ADRA1B: variants seen among roughly 807,000 people sequenced by gnomAD.
ADRA1B encodes adrenoceptor alpha 1B, also known as alpha-1B adrenergic receptor.
A neutral mutation model predicts 17.9 loss-of-function variants in ADRA1B; 17 were observed. That is an observed-to-expected ratio of 0.95 (90% confidence interval 0.65 to 1.42). The LOEUF is 1.42. ADRA1B is among the 40% of genes most tolerant of loss of function. The pLI, the probability that ADRA1B is intolerant of heterozygous loss-of-function variation, is 0.00. For synonymous variants in ADRA1B, 366 were observed against 327.6 expected (o/e 1.12, Z -1.27); for missense variants, 681 against 722.1 (o/e 0.94, Z 0.65).
At chr5:159,957,370 A>G (rs2113274240) in intron 1 of ADRA1B, among the ~76,000 whole-genome samples, 1 of 151,582 alleles carries the variant, frequency 6.6e-6, no homozygotes, top group East Asian at 2.0e-4. Context: ...GCTGGGTGCC[A>G]TTGTGCGCAC....
At chr5:159,894,512 T>C (rs1357740006) in intron 1 of ADRA1B, among the ~76,000 whole-genome samples, 1 of 152,184 alleles carries the variant, frequency 6.6e-6, no homozygotes, top group Non-Finnish European at 1.5e-5. Flanking sequence ...GGCAGATAGC[T>C]TCCCATCGGT....
intron 1 of ADRA1B, among the ~76,000 whole-genome samples, chr5:159,930,260 A>G (rs977805402): frequency 6.6e-6 from 1 of 152,242 alleles, no homozygotes; most frequent in African/African-American, 2.4e-5. Context: ...GGCAAGGAAG[A>G]TTTGGTATTT....
chr5:159,883,993 T>G (rs765626113), intron 1 of ADRA1B, among the ~76,000 whole-genome samples: 4 of 152,096 alleles, frequency 2.6e-5, no homozygotes, highest in Non-Finnish European at 5.9e-5. Flanking sequence ...AATTGACCAG[T>G]GGATGAGGGG....
chr5:159,875,843 T>C (rs976243691), intron 1 of ADRA1B, among the ~76,000 whole-genome samples: 1 of 152,194 alleles, frequency 6.6e-6, no homozygotes, highest in Non-Finnish European at 1.5e-5. Flanking sequence ...CCCTGATATA[T>C]TTGTTCAGAT....
the ADRA1B span, among the ~76,000 whole-genome samples, chr5:159,984,535 C>A: frequency 6.6e-6 from 1 of 152,260 alleles, no homozygotes; most frequent in South Asian, 2.1e-4. Flanking sequence ...TCCTAACTAA[C>A]CTCTGTGCTT....
chr5:159,946,364 C>T (rs1342597046), intron 1 of ADRA1B, among the ~76,000 whole-genome samples: 1 of 152,134 alleles, frequency 6.6e-6, no homozygotes, highest in Non-Finnish European at 1.5e-5. Flanking sequence ...GACATGCATA[C>T]AGAAAAGAGC....
Position 159,955,231 on chromosome 5 carries a change from G to A in ADRA1B, c.950-16648G>A, listed in dbSNP as rs192257433. On this transcript the variant is annotated intron_variant, in intron 1 of 1. Transcript: ENST00000306675. Reference sequence around the variant, plus strand: ...AGTCCTGAGGGCTGCGGGTGTCAAGGAAGGTATGAGTCCCATATGTGGCCT... The same window carrying A: ...AGTCCTGAGGGCTGCGGGTGTCAAGAAAGGTATGAGTCCCATATGTGGCCT... 223 of 981,306 alleles carry A rather than the reference G, an allele frequency of 2.3e-4. No homozygotes were observed. In the African/African-American group the frequency reaches 3.6e-3, roughly 16 times the overall value. 60.8% of individuals were successfully genotyped at this position (981,306 alleles called of 1,614,324 possible).
At chr5:159,976,791 C>A (rs182797838), downstream of ADRA1B, among the ~76,000 whole-genome samples, 1 of 152,146 alleles carries the variant, frequency 6.6e-6, no homozygotes, top group East Asian at 1.9e-4. Flanking sequence ...GTAAGGGAAG[C>A]ATACATGTGT....
chr5:159,868,328 C>A (rs1399385094), intron 1 of ADRA1B: 1 of 152,100 alleles, frequency 6.6e-6, no homozygotes, highest in African/African-American at 2.4e-5. Context: ...AGGAGAGTTA[C>A]AATTTCCTAT....
chr5:159,922,631 G>A (rs1754518391), intron 1 of ADRA1B, among the ~76,000 whole-genome samples: 1 of 152,178 alleles, frequency 6.6e-6, no homozygotes, highest in African/African-American at 2.4e-5. Flanking sequence ...CTCCTGTACT[G>A]TGTATGACAA....
chr5:159,959,907 T>C (rs1755633385), intron 1 of ADRA1B, among the ~76,000 whole-genome samples: 1 of 152,160 alleles, frequency 6.6e-6, no homozygotes, highest in Non-Finnish European at 1.5e-5. Context: ...TTGCGTATTA[T>C]GGAAACTAAT....
intron 1 of ADRA1B, among the ~76,000 whole-genome samples, chr5:159,911,208 C>T (rs569485242): frequency 6.6e-6 from 1 of 152,276 alleles, no homozygotes; most frequent in African/African-American, 2.4e-5. Context: ...GTGGCAAGCC[C>T]ATGGCCAGCA....
intron 1 of ADRA1B, among the ~76,000 whole-genome samples, chr5:159,941,919 CTTTTTTTTTTT>C (rs70987983): frequency 8.2e-6 from 1 of 122,138 alleles, no homozygotes; most frequent in African/African-American, 3.2e-5. Flanking sequence ...TACTGGGTTT[CTTTTTTTTTTT>C]TTTTTTTTTT....
At chr5:159,877,329 T>TGCA (rs1430125557) in intron 1 of ADRA1B, among the ~76,000 whole-genome samples, 1 of 152,128 alleles carries the variant, frequency 6.6e-6, no homozygotes, top group Non-Finnish European at 1.5e-5. Flanking sequence ...TGTCCAAGCC[T>TGCA]CTTCCCTCCC....
chr5:159,939,278 A>AGAGTGTGTGT (rs1417832136), intron 1 of ADRA1B, among the ~76,000 whole-genome samples: 2 of 98,312 alleles, frequency 2.0e-5, no homozygotes, highest in African/African-American at 7.7e-5. Context: ...AGAGAGAGAG[A>AGAGTGTGTGT]GTGTGTGTGT....
intron 1 of ADRA1B, among the ~76,000 whole-genome samples, chr5:159,928,343 TC>T (rs1754716520): frequency 6.6e-6 from 1 of 152,150 alleles, no homozygotes; most frequent in South Asian, 2.1e-4. Context: ...ATTGGCAGGC[TC>T]TGCTCTTACG....
At chr5:159,879,929 G>T (rs1336293821) in intron 1 of ADRA1B, among the ~76,000 whole-genome samples, 1 of 152,120 alleles carries the variant, frequency 6.6e-6, no homozygotes, top group Non-Finnish European at 1.5e-5. Flanking sequence ...CTGGGAGGAG[G>T]AGGTTGCAGT....
chr5:159,984,788 A>G, the ADRA1B span, among the ~76,000 whole-genome samples: 1 of 151,848 alleles, frequency 6.6e-6, no homozygotes, highest in African/African-American at 2.4e-5. Flanking sequence ...GAGTGTCTAC[A>G]ATCCCAGCTA....
downstream of ADRA1B, among the ~76,000 whole-genome samples, chr5:159,976,282 G>A: frequency 6.6e-6 from 1 of 152,094 alleles, no homozygotes; most frequent in East Asian, 1.9e-4. Flanking sequence ...AAACAATTCA[G>A]GTTTTTTTGG....
Sources: gnomAD v4.1 joint callset for allele counts (sites outside exome capture counted in the v4.1 genomes callset) on GRCh38, gnomAD v4.1.1 for gene constraint, MANE v1.5 for transcripts, NCBI Gene and HGNC (gene_info 2026-07-23, HGNC 2026-07-21) for gene names.